RLF: variants seen among roughly 807,000 people sequenced by gnomAD.
RLF encodes the protein zinc finger protein Rlf.
In RLF, 7 loss-of-function variants were observed where a neutral mutation model predicts 162.9. That is an observed-to-expected ratio of 0.04 (90% confidence interval 0.02 to 0.08). The LOEUF (loss-of-function observed/expected upper bound fraction) is 0.08, where lower values mean the gene tolerates loss of function less well. Among genes scored for constraint, RLF ranks in the 10% least tolerant of loss-of-function variants. RLF has a pLI of 1.00. For missense variants in RLF, 1,664 were observed against 2,244.7 expected, an observed-to-expected ratio of 0.74 and a Z score of 5.23; for synonymous variants, 782 against 791.5, an observed-to-expected ratio of 0.99 and a Z score of 0.20.
In RLF at chr1:40,236,463, T is replaced by C. The variant is rs769103916; in HGVS notation, c.1761T>C (p.Cys587=). 1.2e-6 allele frequency: 2 copies of C among 1,613,906 alleles called. No individual in the cohort carries two copies. Among genetic ancestry groups the C allele is most frequent in the Admixed American group, 3.3e-5 (2 of 59,984 alleles). ...MEDGIYTCPV[C]IKKFKRKEMF... ...ATGGAATTTACACCTGTCCAGTTTGTATTAAAAAATTTAAGAGAAAAGAAA... is the reference window on the plus strand; with the variant it reads ...ATGGAATTTACACCTGTCCAGTTTGCATTAAAAAATTTAAGAGAAAAGAAA... Residue 587 remains cysteine, a synonymous_variant, in exon 8 of 8, where the codon TGT becomes TGC. Coordinates refer to ENST00000372771, the MANE Select transcript of RLF (RefSeq NM_012421.4). The surrounding 1 kb of genome is among the most constrained non-coding windows in gnomAD (Gnocchi z 7.7).
chr1:40,180,412 C>G (rs916005590), intron 1 of RLF, among the ~76,000 whole-genome samples: 3 of 152,144 alleles, frequency 2.0e-5, no homozygotes, highest in Non-Finnish European at 4.4e-5. Flanking sequence ...GCGCCCGCCA[C>G]CACGCCTAGC....
intron 1 of RLF, among the ~76,000 whole-genome samples, chr1:40,184,077 A>AC (rs1236050750): frequency 6.6e-6 from 1 of 152,166 alleles, no homozygotes; most frequent in Non-Finnish European, 1.5e-5. Context: ...TGTAGAGAGA[A>AC]TTAAGGGTGA....
chr1:40,177,446 C>T (rs1256291624), intron 1 of RLF, among the ~76,000 whole-genome samples: 2 of 151,932 alleles, frequency 1.3e-5, no homozygotes, highest in South Asian at 4.2e-4. Context: ...CCCGCCACCA[C>T]GCCTGGCTAA....
At position 40,192,085 on chromosome 1, in the gene RLF, T is replaced by C. The variant is rs138967772; in HGVS notation, c.474+1232T>C. Among the ~76,000 whole-genome samples the C allele has an allele frequency of 1.7e-4, 26 of 152,366 alleles. 1 individual carries two copies. The East Asian group carries it at 2.5e-3, about 15-fold the overall frequency. ...ATACATAACCCAAAATGAAATGATA[T>C]AATGTTCTCTTTAGTGAGAAGAGGA... On this transcript the variant is annotated intron_variant, in intron 3 of 7. Transcript: ENST00000372771.
In RLF at chr1:40,161,688, G is replaced by C. The variant is rs773019259; in HGVS notation, c.237+52G>C. The C allele has an allele frequency of 1.3e-6, 2 of 1,595,192 alleles. No homozygotes were observed. The highest frequency in any genetic ancestry group is 2.2e-5 in the South Asian group (2 of 89,904). ...GCGGCGGGGCGGGGAAGTCAGGGAAGGAGGCCCTGGATCCTCTGTAAGCAG... is the reference window on the plus strand; with the variant it reads ...GCGGCGGGGCGGGGAAGTCAGGGAACGAGGCCCTGGATCCTCTGTAAGCAG... On this transcript the variant is annotated intron_variant, in intron 1 of 7. Transcript: ENST00000372771. The surrounding 1 kb of genome is among the most constrained non-coding windows in gnomAD (Gnocchi z 4.4).
intron 3 of RLF, among the ~76,000 whole-genome samples, chr1:40,194,173 C>T (rs1642598033): frequency 6.6e-6 from 1 of 152,144 alleles, no homozygotes; most frequent in African/African-American, 2.4e-5. Flanking sequence ...ATAGACTTTT[C>T]AGGACATTTT....
intron 1 of RLF, among the ~76,000 whole-genome samples, chr1:40,176,418 A>G (rs535331155): frequency 1.1e-4 from 16 of 152,252 alleles, no homozygotes; most frequent in Admixed American, 3.3e-4. Context: ...CTGTTAGTTC[A>G]TTGTGATTCT....
chr1:40,175,730 G>C (rs1642315741), intron 1 of RLF, among the ~76,000 whole-genome samples: 1 of 147,570 alleles, frequency 6.8e-6, no homozygotes, highest in Non-Finnish European at 1.5e-5. Context: ...AGGTTGCAGT[G>C]AGCAGAATTG....
chr1:40,239,713 A>G lies in RLF; in HGVS notation c.5011A>G (p.Thr1671Ala). The change falls in exon 8 of 8, where the codon ACT becomes GCT. Residue 1671 changes from threonine to alanine, a missense_variant. Transcript: ENST00000372771. ...FDADTLLYRG[T>A]LKCNHSSKTT... The stretch of plus-strand genomic sequence containing the variant: ...TGCAGATACTCTGCTCTACAGGGGA[A>G]CTTTGAAATGTAATCATAGTTCCAA... The G allele has an allele frequency of 2.5e-6, 4 of 1,614,194 alleles. No homozygotes were observed. In the South Asian group the frequency reaches 4.4e-5, roughly 18 times the overall value.
intron 1 of RLF, among the ~76,000 whole-genome samples, chr1:40,165,057 G>A (rs555335162): frequency 2.0e-5 from 3 of 152,282 alleles, no homozygotes; most frequent in South Asian, 4.1e-4. Context: ...ATGGATAATA[G>A]TACTTAAGTT....
Position 40,236,014 on chromosome 1 carries a change from C to G in RLF, c.1312C>G (p.Gln438Glu), listed in dbSNP as rs772579842. ...MLEELYLQPD[Q>E]KFDEENAPVP... Reference sequence around the variant, plus strand: ...AGAAGAACTATATTTGCAACCAGATCAAAAATTTGATGAAGAAAATGCACC... The same window carrying G: ...AGAAGAACTATATTTGCAACCAGATGAAAAATTTGATGAAGAAAATGCACC... The change falls in exon 8 of 8, where the codon CAA becomes GAA. Residue 438 changes from glutamine to glutamate, a missense_variant. Physicochemically the swap from Gln to Glu is conservative, Grantham distance 29 (BLOSUM62 2). Around this residue, in one of 15 missense-constraint regions of RLF, gnomAD observed 287 missense variants for 404.9 expected, o/e 0.71. Coordinates refer to ENST00000372771, the MANE Select transcript of RLF (RefSeq NM_012421.4). This position sits in a 1 kb window ranked among gnomAD's most constrained non-coding sequence, Gnocchi z 7.7. 5.6e-6 allele frequency: 9 copies of G among 1,612,892 alleles called. No individual in the cohort carries two copies. In the Admixed American group the frequency reaches 6.7e-5, roughly 12 times the overall value.
rs1396798589 is a variant in RLF, at chr1:40,237,996, A to C, written c.3294A>C (p.Ser1098=). The change falls in exon 8 of 8, where the codon TCA becomes TCC. Residue 1098 remains serine, a synonymous_variant. Coordinates refer to ENST00000372771, the MANE Select transcript of RLF (RefSeq NM_012421.4). The surrounding 1 kb of genome is among the most constrained non-coding windows in gnomAD (Gnocchi z 4.4). ...YPSSGAKSLQ[S]VSSISDLNFQ... ...CCAGTGGTGCTAAGTCTCTTCAGTC[A>C]GTTTCATCTATCTCAGACCTTAATT... The C allele has an allele frequency of 6.2e-7, 1 of 1,614,162 alleles. No individual in the cohort carries two copies. The highest frequency in any genetic ancestry group is 1.1e-5 in the South Asian group (1 of 91,082).
At chr1:40,216,041 A>G (rs1642919921) in intron 5 of RLF, among the ~76,000 whole-genome samples, 1 of 152,114 alleles carries the variant, frequency 6.6e-6, no homozygotes, top group African/African-American at 2.4e-5. Context: ...TAGACTGAAC[A>G]AGAACAAAGA....
chr1:40,165,707 T>C (rs1642155357), intron 1 of RLF, among the ~76,000 whole-genome samples: 3 of 152,296 alleles, frequency 2.0e-5, no homozygotes, highest in Admixed American at 2.0e-4. Context: ...ACATCTGCAG[T>C]TCATCTTTGT....
chr1:40,239,311 C>T lies in RLF; in HGVS notation c.4609C>T (p.Leu1537Phe). The change falls in exon 8 of 8, where the codon CTC becomes TTC. Residue 1537 changes from leucine (L) to phenylalanine (F), a missense_variant. Around this residue, in one of 15 missense-constraint regions of RLF, gnomAD observed 17 missense variants for 57.0 expected, o/e 0.30. Transcript: ENST00000372771. Reference protein sequence around the residue: ...PISFKTRAEALHMCVEHSEHT... With the variant: ...PISFKTRAEAFHMCVEHSEHT... ...AAGTTTTAAAACCAGAGCTGAGGCCCTCCATATGTGTGTGGAGCACTCTGA... is the reference window on the plus strand; with the variant it reads ...AAGTTTTAAAACCAGAGCTGAGGCCTTCCATATGTGTGTGGAGCACTCTGA... The T allele has an allele frequency of 6.2e-7, 1 of 1,614,112 alleles. No homozygotes were observed. Among genetic ancestry groups the T allele is most frequent in the African/African-American group, 1.3e-5 (1 of 75,032 alleles).
At chr1:40,219,195 A>T (rs1642961552) in intron 5 of RLF, among the ~76,000 whole-genome samples, 1 of 152,110 alleles carries the variant, frequency 6.6e-6, no homozygotes, top group Non-Finnish European at 1.5e-5. Flanking sequence ...ATTTACATGA[A>T]TTTTTTAAGT....
At chr1:40,218,475 C>G (rs1305967138) in intron 5 of RLF, among the ~76,000 whole-genome samples, 2 of 152,192 alleles carry the variant, frequency 1.3e-5, no homozygotes, top group Admixed American at 1.3e-4. Context: ...TTTAATTTAA[C>G]CTTTCATTCA....
intron 1 of RLF, among the ~76,000 whole-genome samples, chr1:40,166,668 G>A (rs911380682): frequency 1.3e-5 from 2 of 151,984 alleles, no homozygotes; most frequent in Non-Finnish European, 2.9e-5. Flanking sequence ...GGAATACCGT[G>A]CAGCCATAAA....
chr1:40,161,394 G>A lies in RLF; in HGVS notation c.-6G>A, dbSNP rs758983804. 3.3e-6 allele frequency: 5 copies of A among 1,531,612 alleles called. No individual in the cohort carries two copies. The Admixed American group carries it at 1.1e-4, about 34-fold the overall frequency. The allele number at this position is 1,531,612 out of a possible 1,614,324, so 94.9% of individuals were successfully genotyped here. ...GGTTGCCTACGCGCTGGTGGGCCGT[G>A]GGAAGATGGCGGACGGAAAGGGAGA... is the stretch of plus-strand genomic sequence containing the variant. On this transcript the variant is annotated 5_prime_UTR_variant, in exon 1 of 8. Coordinates refer to ENST00000372771, the MANE Select transcript of RLF (RefSeq NM_012421.4). The surrounding 1 kb of genome is among the most constrained non-coding windows in gnomAD (Gnocchi z 4.4).
Sources: gnomAD v4.1 joint callset for allele counts (sites outside exome capture counted in the v4.1 genomes callset) on GRCh38, gnomAD v4.1.1 for gene constraint, gnomAD v4.1.1 regional missense constraint, Gnocchi (gnomAD v3.1) non-coding constraint, MANE v1.5 for transcripts, NCBI Gene and HGNC (gene_info 2026-07-23, HGNC 2026-07-21) for gene names.